JPT1: variants seen among roughly 807,000 people sequenced by gnomAD.
The protein encoded by JPT1 is androgen-regulated protein 2.
Under a neutral mutation model 17.0 loss-of-function variants are expected in JPT1, and 5 were observed. The observed-to-expected ratio is 0.29, with a 90% CI of 0.15 to 0.62. The LOEUF (loss-of-function observed/expected upper bound fraction) is 0.62, where lower values mean the gene tolerates loss of function less well. Ranked by LOEUF, JPT1 falls within the 20% of genes least tolerant of loss-of-function variation. The probability of loss-of-function intolerance (pLI) is 0.85; values close to 1 mark genes in which losing one functional copy is unlikely to be tolerated. For missense variants in JPT1, 158 were observed against 188.1 expected, an observed-to-expected ratio of 0.84 and a Z score of 0.94; for synonymous variants, 71 against 73.6, an observed-to-expected ratio of 0.96 and a Z score of 0.18.
At chr17:75,143,217 G>C (rs2074361401) in intron 4 of JPT1, among the ~76,000 whole-genome samples, 2 of 152,028 alleles carry the variant, frequency 1.3e-5, no homozygotes, top group African/African-American at 4.8e-5. Context: ...TTGTCTAATC[G>C]TATTTCTGTA....
At chr17:75,151,634 G>A (rs187437871) in intron 1 of JPT1, among the ~76,000 whole-genome samples, 34 of 152,068 alleles carry the variant, frequency 2.2e-4, no homozygotes, top group Admixed American at 1.8e-3. Context: ...CTGCACTCCA[G>A]CCTGGCAACA....
At position 75,154,462 on chromosome 17, in the gene JPT1, G is replaced by A. The variant is rs2077623651; in HGVS notation, c.-65C>T. ...GCTCAAAGGGTCGGACCCGAGGGGC[G>A]CTGGGAAACTCCACACCCAACAGCC... is the stretch of plus-strand genomic sequence containing the variant. On this transcript the variant is annotated 5_prime_UTR_variant, in exon 1 of 5. Transcript: ENST00000409753. 6.9e-6 allele frequency: 10 copies of A among 1,454,052 alleles called. No homozygotes were observed. Among genetic ancestry groups the A allele is most frequent in the Non-Finnish European group, 7.4e-6 (8 of 1,075,340 alleles). 90.1% of individuals were successfully genotyped at this position (1,454,052 alleles called of 1,614,324 possible).
chr17:75,144,548 T>C (rs1377597152), intron 4 of JPT1, among the ~76,000 whole-genome samples: 1 of 152,138 alleles, frequency 6.6e-6, no homozygotes, highest in Non-Finnish European at 1.5e-5. Flanking sequence ...ATATTCATAA[T>C]GAACCTGTAA....
intron 4 of JPT1, among the ~76,000 whole-genome samples, chr17:75,142,535 GACA>G (rs374381715): frequency 0.013 from 1,817 of 144,908 alleles, 38 homozygotes; most frequent in African/African-American, 0.043. Context: ...CTCCAGCCTG[GACA>G]ACAAGAGCTA....
In JPT1 at chr17:75,144,346, AC is replaced by A. The variant is rs548956573; in HGVS notation, c.316+2319del. ...CATAACATAGTGAGACCACATCTCT[AC>A]AAAAAAAGAAAAAAAATTAGCCAGG... On this transcript the variant is annotated intron_variant, in intron 4 of 4. Transcript: ENST00000409753. Among the ~76,000 whole-genome samples, 3 of 151,924 alleles carry A rather than the reference AC, an allele frequency of 2.0e-5. No individual in the cohort carries two copies. The South Asian group carries it at 6.2e-4, about 32-fold the overall frequency.
chr17:75,141,911 G>C (rs2145169740), intron 4 of JPT1, among the ~76,000 whole-genome samples: 1 of 151,070 alleles, frequency 6.6e-6, no homozygotes, highest in Non-Finnish European at 1.5e-5. Flanking sequence ...TCTACTAAAA[G>C]TAAAAAAAAT....
chr17:75,136,158 G>C lies in JPT1; in HGVS notation c.409C>G (p.Pro137Ala). The C allele has an allele frequency of 6.2e-7, 1 of 1,614,184 alleles. No homozygotes were observed. Among genetic ancestry groups the C allele is most frequent in the Non-Finnish European group, 8.5e-7 (1 of 1,180,044 alleles). The change falls in exon 5 of 5, where the codon CCA becomes GCA. Residue 137 changes from proline to alanine, a missense_variant. Transcript: ENST00000409753. ...APVPSPVAPA[P>A]VPSRRNPPGG... ...GGGGGATTTCTTCTGGATGGCACTG[G>C]GGCCGGGGCCACCGGGCTGGGCACA...
chr17:75,144,564 A>G (rs1193131387), intron 4 of JPT1, among the ~76,000 whole-genome samples: 7 of 152,306 alleles, frequency 4.6e-5, no homozygotes, highest in Admixed American at 3.9e-4. Context: ...TGTAAACATA[A>G]GTGTTTCCCT....
intron 4 of JPT1, among the ~76,000 whole-genome samples, chr17:75,144,272 A>AAT (rs1179588579): frequency 6.6e-6 from 1 of 152,082 alleles, no homozygotes; most frequent in African/African-American, 2.4e-5. Context: ...CTGTAATCTC[A>AAT]ATACTTTTGG....
intron 4 of JPT1, among the ~76,000 whole-genome samples, chr17:75,139,710 C>T (rs1351181365): frequency 1.1e-4 from 16 of 151,912 alleles, no homozygotes; most frequent in African/African-American, 3.4e-4. Flanking sequence ...CACAGATACT[C>T]GGGAGGCTGA....
At chr17:75,150,859 T>TTTTTTTTTTTTTTTTGTTTTG (rs2074537720) in intron 1 of JPT1, among the ~76,000 whole-genome samples, 12 of 140,272 alleles carry the variant, frequency 8.6e-5, no homozygotes, top group Admixed American at 1.4e-4. Context: ...TTTTTTTTTT[T>TTTTTTTTTTTTTTTTGTTTTG]TTTTTTTTTT....
At chr17:75,147,484 T>C (rs1441658251) in intron 3 of JPT1, 72 bp downstream of exon 3, 2 of 1,071,706 alleles carry the variant, frequency 1.9e-6, no homozygotes, top group Admixed American at 1.8e-5. Context: ...GTGGGTGAAC[T>C]GAAACTCTTA....
In JPT1 at chr17:75,149,860, CTT is replaced by C. The variant is rs1490730470; in HGVS notation, c.57-1191_57-1190del. Among the ~76,000 whole-genome samples, 122 of 48,668 alleles carry C rather than the reference CTT, an allele frequency of 2.5e-3. 1 individual carries two copies. The highest frequency in any genetic ancestry group is 6.0e-3 in the African/African-American group (116 of 19,410). The allele number at this position is 48,668 out of a possible 152,430, so 31.9% of individuals were successfully genotyped here. On this transcript the variant is annotated intron_variant, in intron 1 of 4. Transcript: ENST00000409753. Reference sequence around the variant, plus strand: ...ATCCCCATCTCTAATCACTTACACACTTACACACACACACACACACACACTTA... The same window carrying C: ...ATCCCCATCTCTAATCACTTACACACACACACACACACACACACACACTTA...
At position 75,136,106 on chromosome 17, in the gene JPT1, C is replaced by G; in HGVS notation, c.461G>C (p.Gly154Ala). The G allele has an allele frequency of 1.2e-6, 2 of 1,614,198 alleles. No individual in the cohort carries two copies. Among genetic ancestry groups the G allele is most frequent in the Non-Finnish European group, 1.7e-6 (2 of 1,180,028 alleles). ...CAGCGTTCAGGACAGTCAGAGCTAACCCAAGACGAGGCTGGACTTGCCGCC... is the reference window on the plus strand; with the variant it reads ...CAGCGTTCAGGACAGTCAGAGCTAAGCCAAGACGAGGCTGGACTTGCCGCC... Reference protein sequence around the residue: ...PPGGKSSLVLG With the variant: ...PPGGKSSLVLA Residue 154 changes from glycine (G) to alanine (A), a missense_variant, in exon 5 of 5, where the codon GGT becomes GCT. Physicochemically the swap from Gly to Ala is moderately conservative, Grantham distance 60 (BLOSUM62 0). Transcript: ENST00000409753.
intron 4 of JPT1, among the ~76,000 whole-genome samples, chr17:75,137,972 T>G (rs1177918467): frequency 6.6e-6 from 1 of 151,010 alleles, no homozygotes; most frequent in Non-Finnish European, 1.5e-5. Context: ...TTTTCTTTAG[T>G]TGAGATGGAG....
At chr17:75,142,619 AGGGGAG>A (rs2074341691) in intron 4 of JPT1, 2 of 95,846 alleles carry the variant, frequency 2.1e-5, no homozygotes, top group Non-Finnish European at 3.5e-5. Flanking sequence ...GGGAGAGAGG[AGGGGAG>A]GGAGGGGAGG....
intron 4 of JPT1, among the ~76,000 whole-genome samples, chr17:75,137,358 G>A (rs1325041787): frequency 6.6e-6 from 1 of 151,644 alleles, no homozygotes; most frequent in African/African-American, 2.4e-5. Flanking sequence ...GGGGTGGGGT[G>A]GCAGGTGGAG....
chr17:75,143,927 G>A (rs1470638405), intron 4 of JPT1, among the ~76,000 whole-genome samples: 1 of 152,120 alleles, frequency 6.6e-6, no homozygotes, highest in Non-Finnish European at 1.5e-5. Context: ...GGAGGCAAAG[G>A]TAGGAAGACT....
intron 2 of JPT1, 134 bp from the exon 3 acceptor site, chr17:75,147,787 T>A: frequency 1.5e-6 from 1 of 649,812 alleles, no homozygotes; most frequent in Admixed American, 2.5e-5. Context: ...TCACCTGAGG[T>A]CAGGAGTTCA....
Sources: gnomAD v4.1 joint callset for allele counts (sites outside exome capture counted in the v4.1 genomes callset) on GRCh38, gnomAD v4.1.1 for gene constraint, MANE v1.5 for transcripts, NCBI Gene and HGNC (gene_info 2026-07-23, HGNC 2026-07-21) for gene names.